ZNF282: variants seen among roughly 807,000 people sequenced by gnomAD.
ZNF282 encodes the protein HTLV-I U5 repressive element-binding protein 1.
ZNF282 carries 30 observed loss-of-function variants against 61.9 expected under a neutral mutation model. That is an observed-to-expected ratio of 0.48 (90% CI 0.36 to 0.66). ZNF282 has a LOEUF of 0.66. ZNF282 is among the 30% of genes least tolerant of loss of function. The pLI, the probability that ZNF282 is intolerant of heterozygous loss-of-function variation, is 0.00. For missense variants in ZNF282, 788 were observed against 941.4 expected (o/e 0.84, Z 2.13); for synonymous variants, 396 against 405.0 (o/e 0.98, Z 0.27).
At chr7:149,205,760 A>C (rs1585563971) in intron 2 of ZNF282, among the ~76,000 whole-genome samples, 1 of 152,196 alleles carries the variant, frequency 6.6e-6, no homozygotes, top group Non-Finnish European at 1.5e-5. Context: ...AACTCACCCC[A>C]AGGTGCCATA....
Position 149,210,692 on chromosome 7 carries a change from G to A in ZNF282, c.940G>A (p.Glu314Lys). ...RGLEERAIPT[E>K]SITDSPISAQ... Reference sequence around the variant, plus strand: ...CCTGGAGGAAAGAGCCATCCCTACGGAATCCATTACCGGTGAGTGAGCCAA... The same window carrying A: ...CCTGGAGGAAAGAGCCATCCCTACGAAATCCATTACCGGTGAGTGAGCCAA... Residue 314 changes from glutamate (E) to lysine (K), a missense_variant, in exon 5 of 8, where the codon GAA becomes AAA. By Grantham distance (56) the Glu-to-Lys change is moderately conservative. Coordinates refer to ENST00000610704, the MANE Select transcript of ZNF282 (RefSeq NM_003575.4). 5.0e-6 allele frequency: 8 copies of A among 1,601,134 alleles called. No homozygotes were observed. The highest frequency in any genetic ancestry group is 6.8e-6 in the Non-Finnish European group (8 of 1,174,744).
At chr7:149,215,195 ATTTTTTTTTTTTTT>A (rs36096302) in intron 7 of ZNF282, among the ~76,000 whole-genome samples, 16 of 90,660 alleles carry the variant, frequency 1.8e-4, no homozygotes, top group Non-Finnish European at 2.7e-4. Context: ...ATTTCCTGAC[ATTTTTTTTTTTTTT>A]TTTTTTTTTT....
intron 7 of ZNF282, among the ~76,000 whole-genome samples, chr7:149,214,346 A>G (rs11984155): frequency 6.3e-4 from 96 of 152,280 alleles, no homozygotes; most frequent in African/African-American, 2.1e-3. Context: ...TACATCTGCA[A>G]TGACCCCGTT....
chr7:149,221,394 G>T (rs528564206), intron 7 of ZNF282, among the ~76,000 whole-genome samples: 1 of 152,340 alleles, frequency 6.6e-6, no homozygotes, highest in South Asian at 2.1e-4. Flanking sequence ...GGGCATAGCG[G>T]GATGGTGAGA....
chr7:149,224,967 A>AG lies in ZNF282; in HGVS notation c.*323dup. 2.7e-6 allele frequency: 1 copy of AG among 366,968 alleles called. No individual in the cohort carries two copies. Among genetic ancestry groups the AG allele is most frequent in the Non-Finnish European group, 5.0e-6 (1 of 201,228 alleles). 22.7% of individuals were successfully genotyped at this position (366,968 alleles called of 1,614,324 possible). A position where few individuals can be genotyped will look rare whatever the true frequency, so the allele number is the denominator to read the frequency against. On this transcript the variant is annotated 3_prime_UTR_variant, in exon 8 of 8. Transcript: ENST00000610704. ...CAGATGGTCATCAGGGGAAGCCACC[A>AG]GGGAGTCCCGAAGCCCTTCTGAGAT...
intron 2 of ZNF282, among the ~76,000 whole-genome samples, chr7:149,200,419 C>G (rs1795889699): frequency 1.3e-5 from 2 of 152,304 alleles, no homozygotes; most frequent in African/African-American, 4.8e-5. Flanking sequence ...GGACACCTCT[C>G]TCTGCTGAGT....
At chr7:149,207,043 A>G (rs1032500679) in intron 3 of ZNF282, among the ~76,000 whole-genome samples, 4 of 152,232 alleles carry the variant, frequency 2.6e-5, no homozygotes, top group Non-Finnish European at 5.9e-5. Flanking sequence ...ACTCAACGTT[A>G]CACCACTACC....
At position 149,213,790 on chromosome 7, in the gene ZNF282, G is replaced by C. The variant is rs1796121975; in HGVS notation, c.1156G>C (p.Glu386Gln). The C allele has an allele frequency of 6.2e-7, 1 of 1,613,952 alleles. No homozygotes were observed. The highest frequency in any genetic ancestry group is 1.7e-5 in the Admixed American group (1 of 60,006). Residue 386 changes from glutamate to glutamine, a missense_variant, in exon 7 of 8, where the codon GAG becomes CAG. Coordinates refer to ENST00000610704, the MANE Select transcript of ZNF282 (RefSeq NM_003575.4). ...GGGACCACGCGACTCAATGGACGGA[G>C]AGCTTGGATTAGACTCTGGCCCTAG... ...PWGPRDSMDG[E>Q]LGLDSGPSDS...
chr7:149,197,457 T>C (rs1328427115), intron 1 of ZNF282, among the ~76,000 whole-genome samples: 1 of 152,186 alleles, frequency 6.6e-6, no homozygotes, highest in Non-Finnish European at 1.5e-5. Context: ...GGTAGGAATG[T>C]GGTGGGTTTT....
At chr7:149,217,420 C>T (rs1193744510) in intron 7 of ZNF282, among the ~76,000 whole-genome samples, 2 of 152,068 alleles carry the variant, frequency 1.3e-5, no homozygotes, top group Non-Finnish European at 2.9e-5. Flanking sequence ...AACAACTAGC[C>T]AGGAGTGGTG....
Position 149,210,643 on chromosome 7 carries a change from C to G in ZNF282, c.891C>G (p.Thr297=), listed in dbSNP as rs763754095. Residue 297 remains threonine (T), a synonymous_variant, in exon 5 of 8, where the codon ACC becomes ACG. Coordinates refer to ENST00000610704, the MANE Select transcript of ZNF282 (RefSeq NM_003575.4). ...CCTCCCAGGTGAAGCGTGAGGACAC[C>G]CTGTGTGTCCGGGGTCAGCGGGGCC... ...DASSQVKRED[T]LCVRGQRGLE... is the part of the protein sequence containing the mutation. 1.9e-6 allele frequency: 3 copies of G among 1,611,898 alleles called. No homozygotes were observed. Among genetic ancestry groups the G allele is most frequent in the Non-Finnish European group, 2.5e-6 (3 of 1,179,316 alleles).
In ZNF282 at chr7:149,198,411, C is replaced by T; in HGVS notation, c.244C>T (p.Pro82Ser). ...CTTTCCAGATAGGGCACCTGTCTTC[C>T]CCGACCGCATGATGCGAGAGCCCCA... ...PPFPDRAPVFPDRMMREPQLP... is the reference protein window; with the variant it reads ...PPFPDRAPVFSDRMMREPQLP... Residue 82 changes from proline (P) to serine (S), a missense_variant, in exon 2 of 8, where the codon CCC becomes TCC. Around this residue, in one of 3 missense-constraint regions of ZNF282, gnomAD observed 137 missense variants for 135.4 expected, o/e 1.01. Coordinates refer to ENST00000610704, the MANE Select transcript of ZNF282 (RefSeq NM_003575.4). The surrounding 1 kb of genome is among the most constrained non-coding windows in gnomAD (Gnocchi z 4.3). The T allele has an allele frequency of 3.1e-6, 5 of 1,614,208 alleles. No individual in the cohort carries two copies. The highest frequency in any genetic ancestry group is 3.4e-6 in the Non-Finnish European group (4 of 1,180,038).
chr7:149,196,939 C>T (rs1238871869), intron 1 of ZNF282, among the ~76,000 whole-genome samples: 3 of 152,190 alleles, frequency 2.0e-5, no homozygotes, highest in Non-Finnish European at 2.9e-5. Flanking sequence ...CCCCAAGCAG[C>T]AGGCCTCCCC....
intron 4 of ZNF282, 79 bp from the exon 5 acceptor site, chr7:149,210,502 AATGT>A: frequency 1.3e-6 from 2 of 1,571,970 alleles, no homozygotes; most frequent in African/African-American, 2.7e-5. Context: ...GACACAAAGC[AATGT>A]CATTCTCTGT....
rs199638052 is a variant in ZNF282 at position 149,198,418 on chromosome 7, G to C, written c.251G>C (p.Arg84Pro). 2.5e-6 allele frequency: 4 copies of C among 1,614,072 alleles called. No homozygotes were observed. Among genetic ancestry groups the C allele is most frequent in the Non-Finnish European group, 3.4e-6 (4 of 1,180,044 alleles). Residue 84 changes from arginine (R) to proline (P), a missense_variant, in exon 2 of 8, where the codon CGC (arginine) becomes CCC (proline). Coordinates refer to ENST00000610704, the MANE Select transcript of ZNF282 (RefSeq NM_003575.4). This position sits in a 1 kb window ranked among gnomAD's most constrained non-coding sequence, Gnocchi z 4.3. ...FPDRAPVFPDRMMREPQLPTA... is the reference protein window; with the variant it reads ...FPDRAPVFPDPMMREPQLPTA... ...GATAGGGCACCTGTCTTCCCCGACC[G>C]CATGATGCGAGAGCCCCAGTTGCCC...
rs1416653075 is a variant in ZNF282 at position 149,198,390 on chromosome 7, C to A, written c.223C>A (p.Pro75Thr). The part of the protein sequence containing the change: ...RPMPFQFPPF[P>T]DRAPVFPDRM... ...AATGCCTTTTCAGTTCCCACCCTTT[C>A]CAGATAGGGCACCTGTCTTCCCCGA... The change falls in exon 2 of 8, where the codon CCA (proline) becomes ACA (threonine). Residue 75 changes from proline to threonine, a missense_variant. Physicochemically the swap from Pro to Thr is conservative, Grantham distance 38. Coordinates refer to ENST00000610704, the MANE Select transcript of ZNF282 (RefSeq NM_003575.4). The surrounding 1 kb of genome is among the most constrained non-coding windows in gnomAD (Gnocchi z 4.3). The A allele has an allele frequency of 3.7e-6, 6 of 1,614,046 alleles. No individual in the cohort carries two copies. The highest frequency in any genetic ancestry group is 3.3e-4 in the Middle Eastern group (2 of 6,084).
chr7:149,203,664 A>G (rs569278799), intron 2 of ZNF282, among the ~76,000 whole-genome samples: 5 of 152,286 alleles, frequency 3.3e-5, no homozygotes, highest in African/African-American at 1.2e-4. Context: ...GCCTGCTTGT[A>G]CTGATTTTCC....
At chr7:149,202,517 T>C (rs1356111060) in intron 2 of ZNF282, among the ~76,000 whole-genome samples, 1 of 152,064 alleles carries the variant, frequency 6.6e-6, no homozygotes, top group Admixed American at 6.5e-5. Context: ...GGTTTCACTA[T>C]GTTGGTCAGG....
chr7:149,211,692 TC>T (rs1278152689), intron 5 of ZNF282, among the ~76,000 whole-genome samples: 2 of 152,022 alleles, frequency 1.3e-5, no homozygotes, highest in Admixed American at 1.3e-4. Context: ...ACAAACCTCA[TC>T]CCCCCCTTAG....
Sources: gnomAD v4.1 joint callset for allele counts (sites outside exome capture counted in the v4.1 genomes callset) on GRCh38, gnomAD v4.1.1 for gene constraint, gnomAD v4.1.1 regional missense constraint, Gnocchi (gnomAD v3.1) non-coding constraint, MANE v1.5 for transcripts, NCBI Gene and HGNC (gene_info 2026-07-23, HGNC 2026-07-21) for gene names.